Variants in NOMO1 observed in about 807,000 individuals in gnomAD.
NOMO1 encodes the protein nodal modulator 3.
NOMO1 carries 40 observed loss-of-function variants against 133.8 expected under a neutral mutation model. The observed-to-expected ratio is 0.30, with a 90% CI of 0.23 to 0.39. The LOEUF (loss-of-function observed/expected upper bound fraction) is 0.39. Ranked by LOEUF, NOMO1 falls within the 10% of genes least tolerant of loss-of-function variation. The pLI, the probability that NOMO1 is intolerant of heterozygous loss-of-function variation, is 1.00. For synonymous variants in NOMO1, 236 were observed against 570.5 expected (o/e 0.41, Z 8.36); for missense variants, 462 against 1,419.9 (o/e 0.33, Z 10.84).
intron 22 of NOMO1, among the ~76,000 whole-genome samples, chr16:14,878,493 CAAAAAAAAAAAAA>C (rs1184163940): frequency 2.6e-5 from 1 of 39,068 alleles, no homozygotes; most frequent in East Asian, 1.1e-3. Flanking sequence ...GACCCTGTCT[CAAAAAAAAAAAAA>C]AAAAAAAAAA....
Position 14,886,989 on chromosome 16 carries a change from A to G in NOMO1, c.3324+127A>G, listed in dbSNP as rs1293322025. 12 of 1,354,372 alleles carry G rather than the reference A, an allele frequency of 8.9e-6. No individual in the cohort carries two copies. In the African/African-American group the frequency reaches 1.5e-4, roughly 17 times the overall value. The allele number at this position is 1,354,372 out of a possible 1,614,324, so 83.9% of individuals were successfully genotyped here. On this transcript the variant is annotated intron_variant, in intron 28 of 30. Coordinates refer to ENST00000287667, the MANE Select transcript of NOMO1 (RefSeq NM_014287.4). ...CTGCAGAAATACGCTCTCTGAATCA[A>G]AAGAGGTTGGGTTCTGTAGGGATTA...
intron 1 of NOMO1, among the ~76,000 whole-genome samples, chr16:14,837,796 G>T (rs1207284627): frequency 2.6e-5 from 3 of 115,484 alleles, no homozygotes; most frequent in Non-Finnish European, 5.4e-5. Flanking sequence ...TGTCTCCCAG[G>T]CTGGAGTGCT....
At chr16:14,838,320 T>G (rs3853811) in intron 1 of NOMO1, 87 bp from the exon 2 acceptor site, 353,147 of 1,299,498 alleles carry the variant, frequency 0.27, 52,785 homozygotes, top group Middle Eastern at 0.31. Context: ...AGTGAATGTA[T>G]ACTGACTGAG....
At chr16:14,856,201 A>G (rs1963831760) in intron 9 of NOMO1, among the ~76,000 whole-genome samples, 1 of 151,896 alleles carries the variant, frequency 6.6e-6, no homozygotes, top group Non-Finnish European at 1.5e-5. Context: ...AAGAAATCGA[A>G]CGAGGACATT....
At chr16:14,839,404 A>G (rs901874416) in intron 2 of NOMO1, among the ~76,000 whole-genome samples, 1 of 152,024 alleles carries the variant, frequency 6.6e-6, no homozygotes, top group Non-Finnish European at 1.5e-5. Context: ...TTCTATTTAT[A>G]GTTATTCAGA....
Position 14,862,112 on chromosome 16 carries a change from C to T in NOMO1, c.1221-901C>T, listed in dbSNP as rs1184941550. On this transcript the variant is annotated intron_variant, in intron 11 of 30. Transcript: ENST00000287667. ...AGTGGTGGTTCCAACATTTAATGTACCCCTAATTGTCAGAATCCAACATTC... is the reference window on the plus strand; with the variant it reads ...AGTGGTGGTTCCAACATTTAATGTATCCCTAATTGTCAGAATCCAACATTC... Among the ~76,000 whole-genome samples the T allele has an allele frequency of 2.6e-5, 4 of 151,698 alleles. No homozygotes were observed. In the East Asian group the frequency reaches 7.8e-4, roughly 29 times the overall value.
intron 2 of NOMO1, 53 bp downstream of exon 2, chr16:14,838,549 C>T (rs371980569): frequency 6.2e-7 from 1 of 1,611,652 alleles, no homozygotes; most frequent in African/African-American, 1.3e-5. Flanking sequence ...TGTGCCTCAC[C>T]AGGCTGCATT....
chr16:14,837,081 C>T (rs572932047), intron 1 of NOMO1, among the ~76,000 whole-genome samples: 5 of 151,876 alleles, frequency 3.3e-5, no homozygotes, highest in African/African-American at 9.7e-5. Flanking sequence ...ATAGTGGCAC[C>T]ATCATAGCTC....
At chr16:14,873,562 G>A (rs1964108689) in intron 18 of NOMO1, among the ~76,000 whole-genome samples, 1 of 149,300 alleles carries the variant, frequency 6.7e-6, no homozygotes, top group Non-Finnish European at 1.5e-5. Flanking sequence ...GGGTGGATTT[G>A]CCGAAGGTCT....
intron 16 of NOMO1, among the ~76,000 whole-genome samples, chr16:14,871,343 C>A (rs1179063056): frequency 6.6e-6 from 1 of 151,786 alleles, no homozygotes; most frequent in Admixed American, 6.6e-5. Context: ...GGTCCGTTCA[C>A]CTGGTCTGTG....
At chr16:14,868,948 T>TC (rs1391344134) in intron 16 of NOMO1, among the ~76,000 whole-genome samples, 1 of 150,658 alleles carries the variant, frequency 6.6e-6, no homozygotes, top group Non-Finnish European at 1.5e-5. Flanking sequence ...TTTTCTCTTT[T>TC]TTTTTTTTGA....
intron 29 of NOMO1, among the ~76,000 whole-genome samples, chr16:14,893,060 G>T (rs1321758289): frequency 6.6e-6 from 1 of 150,486 alleles, no homozygotes; most frequent in African/African-American, 2.5e-5. Context: ...AGTGGGTGTT[G>T]TTCATATGAT....
chr16:14,881,464 A>G (rs1964241993), intron 24 of NOMO1, 80 bp from the exon 25 acceptor site: 2 of 1,609,686 alleles, frequency 1.2e-6, no homozygotes, highest in Admixed American at 1.7e-5. Context: ...TTGCCCCATA[A>G]TTGTTGGTAA....
chr16:14,884,570 C>T, intron 27 of NOMO1, 88 bp downstream of exon 27: 1 of 1,598,248 alleles, frequency 6.3e-7, no homozygotes, highest in South Asian at 1.1e-5. Context: ...TTGTGCCTGT[C>T]TCGTGCCTTA....
intron 29 of NOMO1, among the ~76,000 whole-genome samples, chr16:14,891,591 A>T (rs1435937810): frequency 6.6e-6 from 1 of 151,044 alleles, no homozygotes; most frequent in Non-Finnish European, 1.5e-5. Context: ...ATCCATTTGG[A>T]GTTTTTCCTG....
intron 3 of NOMO1, among the ~76,000 whole-genome samples, chr16:14,843,010 C>G (rs530374879): frequency 1.4e-5 from 2 of 141,778 alleles, no homozygotes; most frequent in East Asian, 4.1e-4. Context: ...AACTTCTGCC[C>G]GGGTTCAAGC....
intron 27 of NOMO1, 108 bp downstream of exon 27, chr16:14,884,590 G>A: frequency 6.4e-7 from 1 of 1,553,498 alleles, no homozygotes; most frequent in Admixed American, 1.7e-5. Context: ...AGGTGTGACA[G>A]GTGGAGGTGC....
At position 14,876,426 on chromosome 16, in the gene NOMO1, C is replaced by T. The variant is rs1964161858; in HGVS notation, c.2424C>T (p.His808=). 6.2e-7 allele frequency: 1 copy of T among 1,611,222 alleles called. No homozygotes were observed. The highest frequency in any genetic ancestry group is 8.5e-7 in the Non-Finnish European group (1 of 1,179,762). The change falls in exon 21 of 31, where the codon CAC becomes CAT. Residue 808 remains histidine, a synonymous_variant. Transcript: ENST00000287667. ...GCCTGTTTTTAGAAGGCCAGATCCA[C>T]CCCGAGTTGGAAGGAGTCGAGATTG... ...KAGLFLEGQI[H]PELEGVEIVI...
intron 2 of NOMO1, among the ~76,000 whole-genome samples, chr16:14,839,081 G>C (rs1963565433): frequency 6.6e-6 from 1 of 150,940 alleles, no homozygotes; most frequent in Non-Finnish European, 1.5e-5. Context: ...TTGAGATGGA[G>C]TCTCGCTCTG....
Sources: allele counts gnomAD v4.1 joint callset (sites outside exome capture counted in the v4.1 genomes callset), GRCh38; gene constraint gnomAD v4.1.1; transcripts MANE v1.5; gene names NCBI Gene and HGNC (gene_info 2026-07-23, HGNC 2026-07-21).